The following TEX14 variants were observed in gnomAD, a reference collection of about 807,000 sequenced individuals.
The protein encoded by TEX14 is inactive serine/threonine-protein kinase TEX14.
In TEX14, 168 loss-of-function variants were observed where a neutral mutation model predicts 178.6. The ratio of observed to expected loss-of-function variants is 0.94; its 90% CI spans 0.83 to 1.07. TEX14 has a LOEUF of 1.07. Among genes scored for constraint, TEX14 ranks in the 50% least tolerant of loss-of-function variants. The probability of loss-of-function intolerance (pLI) is 0.00; values close to 1 mark genes in which losing one functional copy is unlikely to be tolerated. For missense variants in TEX14, 1,730 were observed against 1,753.6 expected, an observed-to-expected ratio of 0.99 and a Z score of 0.24; for synonymous variants, 626 against 634.1, an observed-to-expected ratio of 0.99 and a Z score of 0.19.
At chr17:58,691,463 T>TC (rs918591524) in intron 1 of TEX14, among the ~76,000 whole-genome samples, 1 of 151,648 alleles carries the variant, frequency 6.6e-6, no homozygotes, top group African/African-American at 2.4e-5. Flanking sequence ...GGTCAGGAGT[T>TC]CGAGACCAGC....
intron 1 of TEX14, among the ~76,000 whole-genome samples, chr17:58,690,909 C>A (rs1422676127): frequency 6.6e-6 from 1 of 152,174 alleles, no homozygotes; most frequent in Non-Finnish European, 1.5e-5. Flanking sequence ...CTCTATCACC[C>A]AAGCTGGAGT....
chr17:58,657,832 T>C (rs2047002054), intron 1 of TEX14, among the ~76,000 whole-genome samples: 1 of 152,188 alleles, frequency 6.6e-6, no homozygotes, highest in South Asian at 2.1e-4. Context: ...AGATTGCCTT[T>C]GTAGGACTAA....
chr17:58,638,837 G>T (rs1040052392), intron 2 of TEX14, among the ~76,000 whole-genome samples: 1 of 150,448 alleles, frequency 6.6e-6, no homozygotes, highest in Admixed American at 6.7e-5. Context: ...ACTGCGACCG[G>T]CCTGGAGACT....
chr17:58,569,218 G>A lies in TEX14; in HGVS notation c.3860C>T (p.Pro1287Leu), dbSNP rs758881001. ...SQHHIDELPP[P>L]SQELLDDIEL... ...AATGTCATCAAGTAGCTCCTGAGAT[G>A]GTGGTGGCAGCTCATCAATGTGATG... The change falls in exon 26 of 32, where the codon CCA becomes CTA. Residue 1287 changes from proline (P) to leucine (L), a missense_variant. Pro to Leu is a moderately conservative substitution (Grantham distance 98). Around this residue, in one of 2 missense-constraint regions of TEX14, gnomAD observed 941 missense variants for 1,072.4 expected, o/e 0.88. Transcript: ENST00000349033. This position sits in a 1 kb window ranked among gnomAD's most constrained non-coding sequence, Gnocchi z 4.1. The A allele has an allele frequency of 2.5e-6, 4 of 1,613,794 alleles. No individual in the cohort carries two copies. The highest frequency in any genetic ancestry group is 4.5e-5 in the East Asian group (2 of 44,890).
At chr17:58,631,876 A>T (rs1332307821) in intron 2 of TEX14, 1 of 152,184 alleles carries the variant, frequency 6.6e-6, no homozygotes, top group East Asian at 1.9e-4. Flanking sequence ...AAAGAAACTC[A>T]CACATATTAT....
In TEX14 at chr17:58,573,406, A is replaced by C. The variant is rs947527515; in HGVS notation, c.3384-98T>G. ...ACTTTTTAAGTATAATCTTAACAAA[A>C]TTTGTATGTGGCAATAGGCCAGAAT... On this transcript the variant is annotated intron_variant, in intron 22 of 31. Coordinates refer to ENST00000349033, the MANE Select transcript of TEX14 (RefSeq NM_031272.5). The C allele has an allele frequency of 4.9e-6, 6 of 1,222,366 alleles. No individual in the cohort carries two copies. In the Admixed American group the frequency reaches 8.4e-5, roughly 17 times the overall value. 75.7% of individuals were successfully genotyped at this position (1,222,366 alleles called of 1,614,324 possible).
chr17:58,676,247 G>C (rs886728476), intron 1 of TEX14, among the ~76,000 whole-genome samples: 2 of 152,084 alleles, frequency 1.3e-5, no homozygotes, highest in African/African-American at 4.8e-5. Flanking sequence ...GTGGTGGCAG[G>C]TGCCTGTAAT....
intron 20 of TEX14, 100 bp downstream of exon 20, chr17:58,579,565 G>A: frequency 1.0e-6 from 1 of 987,190 alleles, no homozygotes; most frequent in South Asian, 1.4e-5. Flanking sequence ...GTTTGGACGA[G>A]GCTGTCCCTC....
chr17:58,665,830 G>A (rs2047193631), intron 1 of TEX14, among the ~76,000 whole-genome samples: 1 of 151,996 alleles, frequency 6.6e-6, no homozygotes, highest in South Asian at 2.1e-4. Context: ...TGGATCACAT[G>A]AGGTCAGGAG....
At chr17:58,656,943 A>G (rs866791318) in intron 1 of TEX14, among the ~76,000 whole-genome samples, 11 of 149,848 alleles carry the variant, frequency 7.3e-5, no homozygotes, top group Middle Eastern at 3.4e-3. Context: ...AAAAAAAAAA[A>G]AAAAAAGAAA....
chr17:58,654,683 T>A (rs187929122), intron 1 of TEX14, among the ~76,000 whole-genome samples: 1 of 152,042 alleles, frequency 6.6e-6, no homozygotes, highest in Admixed American at 6.6e-5. Flanking sequence ...ATTTTTGTAT[T>A]TTTAATAGAG....
intron 10 of TEX14, among the ~76,000 whole-genome samples, chr17:58,610,779 A>T (rs777590301): frequency 5.3e-5 from 8 of 151,880 alleles, no homozygotes; most frequent in Non-Finnish European, 7.4e-5. Flanking sequence ...CCAGCTACTC[A>T]GGAGGCTGAG....
intron 21 of TEX14, among the ~76,000 whole-genome samples, chr17:58,576,831 C>T (rs1480462183): frequency 6.6e-6 from 1 of 152,098 alleles, no homozygotes; most frequent in Non-Finnish European, 1.5e-5. Flanking sequence ...GAAATTTAGC[C>T]AAGTTGTTGC....
intron 1 of TEX14, among the ~76,000 whole-genome samples, chr17:58,659,153 G>GA (rs1567763265): frequency 6.6e-6 from 1 of 150,938 alleles, no homozygotes; most frequent in African/African-American, 2.5e-5. Context: ...TCACAGGACA[G>GA]AAAAGCGCAA....
At chr17:58,605,729 T>C (rs2045591610) in intron 10 of TEX14, among the ~76,000 whole-genome samples, 1 of 152,198 alleles carries the variant, frequency 6.6e-6, no homozygotes, top group Admixed American at 6.5e-5. Flanking sequence ...CTAGCTACTT[T>C]TTGTGACTGA....
chr17:58,683,541 T>C (rs1322518687), intron 1 of TEX14, among the ~76,000 whole-genome samples: 1 of 151,666 alleles, frequency 6.6e-6, no homozygotes, highest in African/African-American at 2.4e-5. Flanking sequence ...GGCAGGCGGA[T>C]AACCTGAGGT....
At chr17:58,618,215 T>C (rs1201101192) in intron 5 of TEX14, among the ~76,000 whole-genome samples, 1 of 152,228 alleles carries the variant, frequency 6.6e-6, no homozygotes, top group African/African-American at 2.4e-5. Context: ...TGTTTGAGGC[T>C]GCTAAGTTTG....
chr17:58,610,880 C>T (rs574858550), intron 10 of TEX14, among the ~76,000 whole-genome samples: 1 of 150,408 alleles, frequency 6.6e-6, no homozygotes, highest in Admixed American at 6.6e-5. Context: ...GGCAAGACTC[C>T]GTCAAAAAAA....
chr17:58,690,493 A>G (rs944978233), intron 1 of TEX14, among the ~76,000 whole-genome samples: 2 of 152,178 alleles, frequency 1.3e-5, no homozygotes, highest in Non-Finnish European at 2.9e-5. Flanking sequence ...TCCACTGTCA[A>G]CGAAAGAAAT....
Sources: gnomAD v4.1 joint callset for allele counts (sites outside exome capture counted in the v4.1 genomes callset) on GRCh38, gnomAD v4.1.1 for gene constraint, gnomAD v4.1.1 regional missense constraint, Gnocchi (gnomAD v3.1) non-coding constraint, MANE v1.5 for transcripts, NCBI Gene and HGNC (gene_info 2026-07-23, HGNC 2026-07-21) for gene names.